Variants in NCKAP1L observed in about 807,000 individuals in gnomAD.
The protein encoded by NCKAP1L is nck-associated protein 1-like.
In NCKAP1L, 53 loss-of-function variants were observed where a neutral mutation model predicts 139.2. The ratio of observed to expected loss-of-function variants is 0.38; its 90% confidence interval spans 0.31 to 0.48. The LOEUF (loss-of-function observed/expected upper bound fraction) is 0.48, where lower values mean the gene tolerates loss of function less well. Among genes scored for constraint, NCKAP1L ranks in the 20% least tolerant of loss-of-function variants. The pLI is 0.98. For missense variants in NCKAP1L, 1,151 were observed against 1,381.9 expected, an observed-to-expected ratio of 0.83 and a Z score of 2.65; for synonymous variants, 468 against 499.7, an observed-to-expected ratio of 0.94 and a Z score of 0.85.
At chr12:54,537,815 TAAAAC>T (rs1397800802) in intron 29 of NCKAP1L, among the ~76,000 whole-genome samples, 13 of 152,136 alleles carry the variant, frequency 8.5e-5, no homozygotes, top group African/African-American at 2.9e-4. Flanking sequence ...GACTGGAACT[TAAAAC>T]TAGGCAGCGG....
intron 29 of NCKAP1L, among the ~76,000 whole-genome samples, chr12:54,538,473 G>C (rs1334885095): frequency 6.6e-6 from 1 of 152,176 alleles, no homozygotes; most frequent in Non-Finnish European, 1.5e-5. Flanking sequence ...AGAATACCAC[G>C]AGCAAGAGCT....
In NCKAP1L at chr12:54,538,917, G is replaced by C. The variant is rs1368099300; in HGVS notation, c.3217G>C (p.Glu1073Gln). 1 of 1,613,936 alleles carries C rather than the reference G, an allele frequency of 6.2e-7. No homozygotes were observed. Among genetic ancestry groups the C allele is most frequent in the Non-Finnish European group, 8.5e-7 (1 of 1,179,956 alleles). The change falls in exon 30 of 31, where the codon GAG (glutamate) becomes CAG (glutamine). Residue 1073 changes from glutamate (E) to glutamine (Q), a missense_variant. Transcript: ENST00000293373. ...TGTCAGCCTCTTGCAGCTGGGCCAG[G>C]AGACTGACAAGCTTAAAACCAGAAA... ...ASVSLLQLGQ[E>Q]TDKLKTRNRE... is the part of the protein sequence containing the mutation.
At chr12:54,514,064 A>G (rs919342765) in intron 9 of NCKAP1L, among the ~76,000 whole-genome samples, 9 of 151,972 alleles carry the variant, frequency 5.9e-5, no homozygotes, top group Non-Finnish European at 1.3e-4. Context: ...AAAGCAATGG[A>G]GCCACACTCT....
At chr12:54,512,182 A>C in intron 9 of NCKAP1L, 77 bp downstream of exon 9, 1 of 1,467,950 alleles carries the variant, frequency 6.8e-7, no homozygotes, top group Non-Finnish European at 9.3e-7. Context: ...AGTCTCCACA[A>C]GTGTTCCCAG....
intron 18 of NCKAP1L, among the ~76,000 whole-genome samples, chr12:54,522,987 A>G (rs1234291911): frequency 1.3e-5 from 2 of 152,238 alleles, no homozygotes; most frequent in Non-Finnish European, 2.9e-5. Flanking sequence ...GGGATGTAGT[A>G]TGTGAGATGA....
At position 54,516,924 on chromosome 12, in the gene NCKAP1L, T is replaced by C; in HGVS notation, c.1027T>C (p.Phe343Leu). ...SGQFHCQRRQ[F>L]LRMAVKELET... ...CCAGTTTCATTGTCAACGGCGGCAA[T>C]TTCTGCGGATGGCAGTGAAGGAGCT... is the stretch of plus-strand genomic sequence containing the variant. The change falls in exon 11 of 31, where the codon TTT becomes CTT. Residue 343 changes from phenylalanine (F) to leucine (L), a missense_variant. By Grantham distance (22) the Phe-to-Leu change is conservative (BLOSUM62 0). Transcript: ENST00000293373. 6.2e-7 allele frequency: 1 copy of C among 1,612,820 alleles called. No homozygotes were observed. Among genetic ancestry groups the C allele is most frequent in the Non-Finnish European group, 8.5e-7 (1 of 1,179,222 alleles).
At chr12:54,504,347 G>C (rs1478967235) in intron 3 of NCKAP1L, among the ~76,000 whole-genome samples, 1 of 152,186 alleles carries the variant, frequency 6.6e-6, no homozygotes, top group Non-Finnish European at 1.5e-5. Flanking sequence ...ATAGTGAAGA[G>C]AGAAGTGAGG....
chr12:54,499,311 G>A (rs1457086529), intron 1 of NCKAP1L, 44 bp from the exon 2 acceptor site: 2 of 1,056,832 alleles, frequency 1.9e-6, no homozygotes, highest in African/African-American at 3.1e-5. Flanking sequence ...ATGTTTCTGA[G>A]GAGGAGGAGA....
At chr12:54,502,611 C>T (rs562328486) in intron 3 of NCKAP1L, among the ~76,000 whole-genome samples, 1 of 152,012 alleles carries the variant, frequency 6.6e-6, no homozygotes, top group East Asian at 1.9e-4. Context: ...TATTTTCTTA[C>T]CCAACCCTAA....
At chr12:54,538,098 A>G (rs1435162036) in intron 29 of NCKAP1L, among the ~76,000 whole-genome samples, 2 of 152,228 alleles carry the variant, frequency 1.3e-5, no homozygotes, top group African/African-American at 4.8e-5. Context: ...GTCCCGATAT[A>G]AGAACCAGGG....
chr12:54,532,213 G>A lies in NCKAP1L; in HGVS notation c.2825G>A (p.Cys942Tyr). ...HCPFLMGPIE[C>Y]LKEFVTPDTD... ...CCATTTCTTATGGGTCCCATTGAGTGCTTGAAGGAGTTTGTCACTCCAGAC... is the reference window on the plus strand; with the variant it reads ...CCATTTCTTATGGGTCCCATTGAGTACTTGAAGGAGTTTGTCACTCCAGAC... Residue 942 changes from cysteine to tyrosine, a missense_variant, in exon 26 of 31, where the codon TGC (cysteine) becomes TAC (tyrosine). Transcript: ENST00000293373. The A allele has an allele frequency of 6.2e-7, 1 of 1,613,340 alleles. No individual in the cohort carries two copies. Among genetic ancestry groups the A allele is most frequent in the South Asian group, 1.1e-5 (1 of 90,986 alleles).
chr12:54,504,663 C>A (rs1181123282), intron 3 of NCKAP1L, among the ~76,000 whole-genome samples: 1 of 152,150 alleles, frequency 6.6e-6, no homozygotes, highest in East Asian at 1.9e-4. Flanking sequence ...ATTAGACAGA[C>A]TTGGTTTCAA....
intron 20 of NCKAP1L, 70 bp from the exon 21 acceptor site, chr12:54,526,458 A>G: frequency 8.1e-7 from 1 of 1,235,806 alleles, no homozygotes; most frequent in Non-Finnish European, 1.2e-6. Context: ...AACACAATAT[A>G]CACTCAACAA....
rs397822553 is a variant in NCKAP1L, at chr12:54,501,522, T to TC, written c.306+897_306+898insC. ...ATTCTATTATTAACTTTTTTTTTTTTGAGTTAGGGTCTCACTCTGTTGCCC... is the reference window on the plus strand; with the variant it reads ...ATTCTATTATTAACTTTTTTTTTTTTCGAGTTAGGGTCTCACTCTGTTGCCC... On this transcript the variant is annotated intron_variant, in intron 3 of 30. Transcript: ENST00000293373. Among the ~76,000 whole-genome samples, 3 of 151,886 alleles carry TC rather than the reference T, an allele frequency of 2.0e-5. No homozygotes were observed. In the East Asian group the frequency reaches 5.8e-4, roughly 29 times the overall value.
At chr12:54,507,560 C>A (rs988951220) in intron 3 of NCKAP1L, among the ~76,000 whole-genome samples, 5 of 152,108 alleles carry the variant, frequency 3.3e-5, no homozygotes, top group Admixed American at 1.3e-4. Flanking sequence ...CATTTTACAA[C>A]CTTTTTTAAT....
At chr12:54,499,243 G>A (rs7310321) in intron 1 of NCKAP1L, 112 bp from the exon 2 acceptor site, 309,811 of 659,350 alleles carry the variant, frequency 0.47, 75,190 homozygotes, top group African/African-American at 0.53. Context: ...TTTTAAATTA[G>A]TTCCCAGGTT....
In NCKAP1L at chr12:54,517,488, C is replaced by G. The variant is rs533885341; in HGVS notation, c.1096-45C>G. The G allele has an allele frequency of 7.6e-6, 10 of 1,318,310 alleles. No homozygotes were observed. In the African/African-American group the frequency reaches 1.0e-4, roughly 13 times the overall value. The allele number at this position is 1,318,310 out of a possible 1,614,324, so 81.7% of individuals were successfully genotyped here. A position where few individuals can be genotyped will look rare whatever the true frequency, so the allele number is the denominator to read the frequency against. On this transcript the variant is annotated intron_variant, in intron 11 of 30. Coordinates refer to ENST00000293373, the MANE Select transcript of NCKAP1L (RefSeq NM_005337.5). The stretch of plus-strand genomic sequence containing the variant: ...GTAGTTTACTCTGTGCTTTGAAATC[C>G]ATTTTTAAAGTTGAAAATTCTAATA...
chr12:54,535,648 T>A, intron 27 of NCKAP1L, among the ~76,000 whole-genome samples: 1 of 152,258 alleles, frequency 6.6e-6, no homozygotes, highest in East Asian at 1.9e-4. Context: ...TCTTCCCATC[T>A]CACACTTAAC....
intron 20 of NCKAP1L, 142 bp downstream of exon 20, chr12:54,524,098 C>A: frequency 1.1e-6 from 1 of 890,740 alleles, no homozygotes; most frequent in Non-Finnish European, 1.7e-6. Context: ...GATTCTGTTG[C>A]AGTCAGTCTA....
Sources: gnomAD v4.1 joint callset for allele counts (sites outside exome capture counted in the v4.1 genomes callset) on GRCh38, gnomAD v4.1.1 for gene constraint, MANE v1.5 for transcripts, NCBI Gene and HGNC (gene_info 2026-07-23, HGNC 2026-07-21) for gene names.